The following RMDN3 variants were observed in gnomAD, a reference collection of about 807,000 sequenced individuals.
RMDN3 encodes regulator of microtubule dynamics protein 3.
In RMDN3, 41 loss-of-function variants were observed where a neutral mutation model predicts 61.8. That is an observed-to-expected ratio of 0.66 (90% confidence interval 0.52 to 0.86). The LOEUF is 0.86. RMDN3 is among the 40% of genes least tolerant of loss of function. RMDN3 has a pLI of 0.00. For missense variants in RMDN3, 557 were observed against 585.3 expected, an observed-to-expected ratio of 0.95 and a Z score of 0.50; for synonymous variants, 247 against 232.0, an observed-to-expected ratio of 1.06 and a Z score of -0.59.
At chr15:40,753,920 CAA>C (rs929431362) in intron 2 of RMDN3, among the ~76,000 whole-genome samples, 1 of 152,194 alleles carries the variant, frequency 6.6e-6, no homozygotes, top group African/African-American at 2.4e-5. Context: ...ACATAAGCCT[CAA>C]GACTTTTAAT....
intron 5 of RMDN3, 152 bp from the exon 6 acceptor site, chr15:40,744,301 C>CA: frequency 3.1e-6 from 2 of 647,152 alleles, no homozygotes; most frequent in East Asian, 2.8e-5. Flanking sequence ...GCCTTCCCCC[C>CA]AGTCATCCCT....
At chr15:40,741,646 T>TTTTTTTTTTTTTTTG (rs1897287865) in intron 6 of RMDN3, among the ~76,000 whole-genome samples, 1 of 138,114 alleles carries the variant, frequency 7.2e-6, no homozygotes, top group Admixed American at 7.4e-5. Context: ...TTTTTTTTTT[T>TTTTTTTTTTTTTTTG]GAGACAAGAG....
chr15:40,744,277 A>G (rs768623070), intron 5 of RMDN3, 128 bp from the exon 6 acceptor site: 15 of 765,826 alleles, frequency 2.0e-5, no homozygotes, highest in Middle Eastern at 2.3e-4. Flanking sequence ...ATATCAGGCC[A>G]GCTCCTACAC....
At chr15:40,738,809 T>C in intron 7 of RMDN3, 1 of 562,284 alleles carries the variant, frequency 1.8e-6, no homozygotes, top group East Asian at 3.0e-5. Context: ...ATTCTAGGTA[T>C]AAAAAAAGCT....
At chr15:40,749,059 A>G (rs1484030700) in intron 4 of RMDN3, among the ~76,000 whole-genome samples, 1 of 151,968 alleles carries the variant, frequency 6.6e-6, no homozygotes, top group Non-Finnish European at 1.5e-5. Flanking sequence ...GCCTGCCAAC[A>G]TGCCTGGCTA....
chr15:40,738,571 G>A lies in RMDN3; in HGVS notation c.977C>T (p.Ala326Val), dbSNP rs142146927. 1.2e-5 allele frequency: 20 copies of A among 1,613,868 alleles called. No homozygotes were observed. The highest frequency in any genetic ancestry group is 8.3e-5 in the Admixed American group (5 of 59,976). ...CTCAGCCAGCTGACCACAAAGCACCGCATACCTAGGGGGGAAGCAGCAAGC... is the reference window on the plus strand; with the variant it reads ...CTCAGCCAGCTGACCACAAAGCACCACATACCTAGGGGGGAAGCAGCAAGC... ...DESADCHLWY[A>V]VLCGQLAEHE... The change falls in exon 8 of 13, where the codon GCG (alanine) becomes GTG (valine). Residue 326 changes from alanine (A) to valine (V), a missense_variant. Transcript: ENST00000338376.
intron 9 of RMDN3, 90 bp from the exon 10 acceptor site, chr15:40,737,816 C>T (rs1477171672): frequency 2.5e-5 from 38 of 1,491,056 alleles, no homozygotes; most frequent in Non-Finnish European, 2.3e-5. Context: ...TAGGGTCAAA[C>T]GGGGCTGGGT....
At position 40,737,666 on chromosome 15, in the gene RMDN3, T is replaced by C; in HGVS notation, c.1186A>G (p.Ser396Gly). The change falls in exon 10 of 13, where the codon AGT becomes GGT. Residue 396 changes from serine to glycine, a missense_variant. Coordinates refer to ENST00000338376, the MANE Select transcript of RMDN3 (RefSeq NM_018145.3). ...TATALLESPL[S>G]ATVEDALQSF... is the part of the protein sequence containing the mutation. ...TGGAGGGCATCTTCCACAGTGGCAC[T>C]GAGAGGGCTTTCAAGCAAGGCTGTA... 9.3e-6 allele frequency: 15 copies of C among 1,614,142 alleles called. No individual in the cohort carries two copies. The highest frequency in any genetic ancestry group is 1.3e-5 in the Non-Finnish European group (15 of 1,180,016).
intron 6 of RMDN3, among the ~76,000 whole-genome samples, chr15:40,742,895 C>G (rs570124863): frequency 6.6e-6 from 1 of 152,286 alleles, no homozygotes; most frequent in African/African-American, 2.4e-5. Context: ...GGAAAACAAA[C>G]TTTTGGAGAG....
intron 2 of RMDN3, 72 bp downstream of exon 2, chr15:40,754,525 T>C: frequency 7.0e-7 from 1 of 1,428,026 alleles, no homozygotes; most frequent in East Asian, 2.4e-5. Flanking sequence ...TCCCACAGTC[T>C]CCACCGAAAG....
chr15:40,747,961 G>A (rs900494897), intron 4 of RMDN3, among the ~76,000 whole-genome samples: 1 of 152,178 alleles, frequency 6.6e-6, no homozygotes, highest in African/African-American at 2.4e-5. Context: ...CGATGAGGCT[G>A]CAGGCAATTT....
rs186625961 is a variant in RMDN3 at position 40,740,815 on chromosome 15, A to C, written c.911-622T>G. On this transcript the variant is annotated intron_variant, in intron 6 of 12. Coordinates refer to ENST00000338376, the MANE Select transcript of RMDN3 (RefSeq NM_018145.3). Reference sequence around the variant, plus strand: ...ATATAAAAGGATCCAGCCAGGCACGATGGCTTATGCCTGTAATCCTAGCAC... The same window carrying C: ...ATATAAAAGGATCCAGCCAGGCACGCTGGCTTATGCCTGTAATCCTAGCAC... Among the ~76,000 whole-genome samples the C allele has an allele frequency of 1.1e-4, 17 of 152,260 alleles. No homozygotes were observed. In the East Asian group the frequency reaches 3.1e-3, roughly 28 times the overall value.
rs948216465 is a variant in RMDN3 at position 40,741,082 on chromosome 15, A to G, written c.911-889T>C. On this transcript the variant is annotated intron_variant, in intron 6 of 12. Transcript: ENST00000338376. The stretch of plus-strand genomic sequence containing the variant: ...CTGGGCGACGAACTCCACCTCAAAA[A>G]AAACAACAACAACGGATCCAACACA... Among the ~76,000 whole-genome samples the G allele has an allele frequency of 5.3e-5, 8 of 150,280 alleles. 1 individual carries two copies.
chr15:40,738,703 T>TA (rs1317007319), intron 7 of RMDN3, 127 bp from the exon 8 acceptor site: 5 of 844,672 alleles, frequency 5.9e-6, no homozygotes, highest in Non-Finnish European at 9.8e-6. Flanking sequence ...TGAAAATACC[T>TA]AATTTTCATC....
intron 2 of RMDN3, 146 bp from the exon 3 acceptor site, chr15:40,752,324 G>T: frequency 1.2e-6 from 1 of 801,398 alleles, no homozygotes; most frequent in Non-Finnish European, 1.9e-6. Context: ...GCCAGGTCAT[G>T]GTAACAAGTC....
chr15:40,736,520 ATGAAGGCC>A lies in RMDN3; in HGVS notation c.*13_*20del. On this transcript the variant is annotated 3_prime_UTR_variant, in exon 13 of 13. Transcript: ENST00000338376. ...CCACCTTAAATAGTGGCATCAAGTC[ATGAAGGCC>A]AGTGAAACGTGGTTAGTCTCGTAAA... The A allele has an allele frequency of 6.2e-7, 1 of 1,612,482 alleles. No homozygotes were observed. Among genetic ancestry groups the A allele is most frequent in the South Asian group, 1.1e-5 (1 of 91,050 alleles).
chr15:40,753,218 T>A (rs1011873594), intron 2 of RMDN3, among the ~76,000 whole-genome samples: 1 of 152,206 alleles, frequency 6.6e-6, no homozygotes, highest in Admixed American at 6.5e-5. Context: ...CCAATTAGCA[T>A]GGGAGTGAGA....
chr15:40,737,695 G>A lies in RMDN3; in HGVS notation c.1157C>T (p.Thr386Ile). The stretch of plus-strand genomic sequence containing the variant: ...AGGGCTTTCAAGCAAGGCTGTAGCA[G>A]TTTTTTTTTCTAGCCAGCTCAGGTG... ...VSHLSWLEKK[T>I]ATALLESPLS... Residue 386 changes from threonine to isoleucine, a missense_variant, in exon 10 of 13, where the codon ACT becomes ATT. By Grantham distance (89) the Thr-to-Ile change is moderately conservative (BLOSUM62 -1). Coordinates refer to ENST00000338376, the MANE Select transcript of RMDN3 (RefSeq NM_018145.3). The A allele has an allele frequency of 3.8e-6, 6 of 1,596,442 alleles. No homozygotes were observed. The highest frequency in any genetic ancestry group is 5.1e-6 in the Non-Finnish European group (6 of 1,167,834).
In RMDN3 at chr15:40,745,110, C is replaced by T. The variant is rs901714934; in HGVS notation, c.674G>A (p.Ser225Asn). ...LEEEAASGASSALEAGGSSGL... is the reference protein window; with the variant it reads ...LEEEAASGASNALEAGGSSGL... The stretch of plus-strand genomic sequence containing the variant: ...TGAGGAACCTCCAGCCTCCAGGGCA[C>T]TGGAGGCACCTGAAGCTGCCTCTTC... The change falls in exon 5 of 13, where the codon AGT becomes AAT. Residue 225 changes from serine (S) to asparagine (N), a missense_variant. Physicochemically the swap from Ser to Asn is conservative, Grantham distance 46. Transcript: ENST00000338376. 3 of 1,614,074 alleles carry T rather than the reference C, an allele frequency of 1.9e-6. No individual in the cohort carries two copies. The highest frequency in any genetic ancestry group is 2.5e-6 in the Non-Finnish European group (3 of 1,180,040).
Sources: gnomAD v4.1 joint callset for allele counts (sites outside exome capture counted in the v4.1 genomes callset) on GRCh38, gnomAD v4.1.1 for gene constraint, MANE v1.5 for transcripts, NCBI Gene and HGNC (gene_info 2026-07-23, HGNC 2026-07-21) for gene names.